MGAM: variants seen among roughly 807,000 people sequenced by gnomAD.
MGAM encodes the protein alpha-1,4-glucosidase.
In MGAM, 253 loss-of-function variants were observed where a neutral mutation model predicts 358.8. The ratio of observed to expected loss-of-function variants is 0.71; its 90% CI spans 0.64 to 0.78. MGAM has a LOEUF of 0.78. Among genes scored for constraint, MGAM ranks in the 30% least tolerant of loss-of-function variants. The pLI is 0.00. For synonymous variants in MGAM, 1,105 were observed against 1,227.1 expected (o/e 0.90, Z 2.08); for missense variants, 3,080 against 3,432.6 (o/e 0.90, Z 2.57).
At chr7:142,063,725 G>T in intron 36 of MGAM, 139 bp downstream of exon 36, 1 of 1,019,106 alleles carries the variant, frequency 9.8e-7, no homozygotes, top group East Asian at 2.6e-5. Flanking sequence ...AGAGACAAAA[G>T]CTCTGCACGT....
intron 2 of MGAM, among the ~76,000 whole-genome samples, chr7:141,987,951 C>A (rs782172146): frequency 6.6e-6 from 1 of 152,070 alleles, no homozygotes; most frequent in African/African-American, 2.4e-5. Context: ...AAATACCTGC[C>A]TTATCTTAAA....
At chr7:142,022,478 A>C (rs782247243) in intron 7 of MGAM, 39 bp downstream of exon 7, 3 of 1,587,658 alleles carry the variant, frequency 1.9e-6, no homozygotes, top group East Asian at 2.2e-5. Context: ...TGAATATCAT[A>C]GTCTCATTCT....
In MGAM at chr7:142,072,729, C is replaced by G. The variant is rs1292278649; in HGVS notation, c.5187-1356C>G. On this transcript the variant is annotated intron_variant, in intron 44 of 70. Transcript: ENST00000475668. ...CTCCAGAGATGATTTGCCTTCTCCT[C>G]TATTTGCAAGCCAGGAATTCCTTCC... is the stretch of plus-strand genomic sequence containing the variant. Among the ~76,000 whole-genome samples the G allele has an allele frequency of 1.0e-4, 15 of 146,402 alleles. 2 individuals are homozygous for G. The South Asian group carries it at 1.7e-3, about 17-fold the overall frequency.
intron 49 of MGAM, 57 bp downstream of exon 49, chr7:142,079,065 T>G (rs1220039019): frequency 2.1e-6 from 3 of 1,406,420 alleles, no homozygotes; most frequent in Non-Finnish European, 3.0e-6. Flanking sequence ...CCATTATCTT[T>G]TTCTGGTTCA....
At chr7:142,090,359 C>T (rs1272061659) in intron 57 of MGAM, among the ~76,000 whole-genome samples, 1 of 145,506 alleles carries the variant, frequency 6.9e-6, no homozygotes, top group Non-Finnish European at 1.6e-5. Flanking sequence ...CTCCATCCCC[C>T]ACCCATCCCG....
Position 142,034,277 on chromosome 7 carries a change from A to G in MGAM, c.1685A>G (p.Tyr562Cys). The G allele has an allele frequency of 6.3e-7, 1 of 1,592,734 alleles. No homozygotes were observed. Among genetic ancestry groups the G allele is most frequent in the South Asian group, 1.1e-5 (1 of 87,478 alleles). Residue 562 changes from tyrosine (Y) to cysteine (C), a missense_variant, in exon 15 of 71, where the codon TAC (tyrosine) becomes TGC (cysteine). Around this residue, in one of 5 missense-constraint regions of MGAM, gnomAD observed 1,816 missense variants for 1,840.5 expected, o/e 0.99. Transcript: ENST00000475668. ...TTTGTTTCAGGAATCCTGGATGGGT[A>G]CCTGTTCTGCAAGACTCTCTGTATG... ...PPFTPRILDG[Y>C]LFCKTLCMDA...
intron 3 of MGAM, among the ~76,000 whole-genome samples, chr7:142,011,192 A>AT (rs1805565539): frequency 6.6e-6 from 1 of 152,184 alleles, no homozygotes; most frequent in African/African-American, 2.4e-5. Context: ...AGAGGTTACC[A>AT]TATTTCTTAA....
At chr7:142,007,633 T>C (rs1378531389) in intron 2 of MGAM, among the ~76,000 whole-genome samples, 1 of 152,204 alleles carries the variant, frequency 6.6e-6, no homozygotes, top group Middle Eastern at 3.2e-3. Context: ...TATTAATTTA[T>C]TGCAGAATAC....
At chr7:142,060,536 G>GT (rs1490934166) in intron 34 of MGAM, among the ~76,000 whole-genome samples, 163 bp downstream of exon 34, 6 of 152,232 alleles carry the variant, frequency 3.9e-5, no homozygotes, top group African/African-American at 1.4e-4. Flanking sequence ...TACTTTATAG[G>GT]TAGTCATACT....
chr7:142,020,603 ATTT>A (rs35169560), intron 4 of MGAM, among the ~76,000 whole-genome samples: 14 of 132,618 alleles, frequency 1.1e-4, no homozygotes, highest in African/African-American at 3.7e-4. Flanking sequence ...ATATATATAT[ATTT>A]TTTTTTTTTT....
intron 22 of MGAM, among the ~76,000 whole-genome samples, chr7:142,048,115 TTTTATTTATTTATTTATTTA>T (rs58194410): frequency 0.089 from 9,155 of 102,446 alleles, 538 homozygotes; most frequent in African/African-American, 0.18. Context: ...ATAATAGGCT[TTTTATTTATTTATTTATTTA>T]TTTATTTATT....
intron 61 of MGAM, 38 bp from the exon 62 acceptor site, chr7:142,094,582 G>A (rs1323410103): frequency 6.4e-7 from 1 of 1,558,840 alleles, no homozygotes; most frequent in South Asian, 1.1e-5. Context: ...GGTCGTGAGA[G>A]CGAGCCTGGT....
intron 21 of MGAM, among the ~76,000 whole-genome samples, chr7:142,041,591 A>C (rs1217734458): frequency 6.6e-6 from 1 of 151,550 alleles, no homozygotes; most frequent in Non-Finnish European, 1.5e-5. Flanking sequence ...GGTATTCAAA[A>C]CCAATCACAA....
At chr7:142,075,055 A>C (rs1254852293) in intron 45 of MGAM, among the ~76,000 whole-genome samples, 1 of 146,244 alleles carries the variant, frequency 6.8e-6, no homozygotes, top group African/African-American at 2.4e-5. Flanking sequence ...CTTCTAAGAG[A>C]TGAACTTTTT....
intron 33 of MGAM, 107 bp from the exon 34 acceptor site, chr7:142,060,204 A>G (rs1811997865): frequency 6.8e-7 from 1 of 1,470,862 alleles, no homozygotes. Flanking sequence ...TGTGATAGTC[A>G]AAGTATTATT....
intron 3 of MGAM, among the ~76,000 whole-genome samples, chr7:142,012,728 T>A (rs1295263876): frequency 6.6e-6 from 1 of 152,194 alleles, no homozygotes; most frequent in African/African-American, 2.4e-5. Context: ...TTTACTGGGA[T>A]TACATGATAT....
intron 43 of MGAM, among the ~76,000 whole-genome samples, chr7:142,069,293 G>A (rs1379706373): frequency 6.9e-6 from 1 of 145,760 alleles, no homozygotes; most frequent in African/African-American, 2.4e-5. Context: ...GCAATGAAGA[G>A]CTCCTTGCCG....
chr7:142,051,995 G>A (rs570986288), intron 24 of MGAM, among the ~76,000 whole-genome samples: 5 of 152,202 alleles, frequency 3.3e-5, no homozygotes, highest in African/African-American at 7.2e-5. Flanking sequence ...ATCTCACAGC[G>A]AGCTAAGAGG....
rs1816843717 is a variant in MGAM at position 142,106,161 on chromosome 7, A to C, written c.*270A>C. The C allele has an allele frequency of 3.8e-6, 1 of 263,810 alleles. No individual in the cohort carries two copies. Among genetic ancestry groups the C allele is most frequent in the South Asian group, 5.1e-5 (1 of 19,690 alleles). 16.3% of individuals were successfully genotyped at this position (263,810 alleles called of 1,614,324 possible). On this transcript the variant is annotated 3_prime_UTR_variant, in exon 71 of 71. Transcript: ENST00000475668. ...AGTGACTGTTCATCATATGACATTT[A>C]CTGAAGATGAACTGGGTCCATGATG...
Sources: gnomAD v4.1 joint callset for allele counts (sites outside exome capture counted in the v4.1 genomes callset) on GRCh38, gnomAD v4.1.1 for gene constraint, gnomAD v4.1.1 regional missense constraint, MANE v1.5 for transcripts, NCBI Gene and HGNC (gene_info 2026-07-23, HGNC 2026-07-21) for gene names.